Variants in GPHN observed in about 807,000 individuals in gnomAD.
The protein encoded by GPHN is gephyrin.
In GPHN, 17 loss-of-function variants were observed where a neutral mutation model predicts 95.5. The observed-to-expected ratio is 0.18, with a 90% confidence interval of 0.12 to 0.27. The LOEUF (loss-of-function observed/expected upper bound fraction) is 0.27. Among genes scored for constraint, GPHN ranks in the 10% least tolerant of loss-of-function variants. The probability of loss-of-function intolerance (pLI) is 1.00; values close to 1 mark genes in which losing one functional copy is unlikely to be tolerated. For missense variants in GPHN, 660 were observed against 978.1 expected (o/e 0.67, Z 4.34); for synonymous variants, 320 against 322.5 (o/e 0.99, Z 0.08).
rs562682134 is a variant in GPHN at position 66,847,482 on chromosome 14, A to G, written c.294+22916A>G. Among the ~76,000 whole-genome samples, 6 of 152,162 alleles carry G rather than the reference A, an allele frequency of 3.9e-5. No individual in the cohort carries two copies. In the East Asian group the frequency reaches 1.2e-3, roughly 29 times the overall value. The stretch of plus-strand genomic sequence containing the variant: ...TTATTTTGAGGAAGCTGAATTTAAA[A>G]TAGAGTGCTATAACGTGTTTCCTTT... On this transcript the variant is annotated intron_variant, in intron 4 of 22. Coordinates refer to ENST00000478722, the MANE Select transcript of GPHN (RefSeq NM_020806.5).
At chr14:66,630,630 C>T (rs1159797863) in intron 1 of GPHN, among the ~76,000 whole-genome samples, 1 of 152,030 alleles carries the variant, frequency 6.6e-6, no homozygotes, top group Non-Finnish European at 1.5e-5. Flanking sequence ...CATCACCACA[C>T]CTGGCTAATT....
chr14:67,088,831 C>T, intron 11 of GPHN, 152 bp from the exon 12 acceptor site: 1 of 671,160 alleles, frequency 1.5e-6, no homozygotes. Context: ...TGCATCTCTT[C>T]TATCTCCTGT....
chr14:66,863,227 A>T (rs2063099608), intron 4 of GPHN, among the ~76,000 whole-genome samples: 1 of 151,588 alleles, frequency 6.6e-6, no homozygotes, highest in African/African-American at 2.4e-5. Context: ...CATTTACAAT[A>T]GCCACAGAGA....
chr14:66,951,539 A>G (rs1326813902), intron 8 of GPHN, among the ~76,000 whole-genome samples: 2 of 151,516 alleles, frequency 1.3e-5, no homozygotes, highest in Non-Finnish European at 2.9e-5. Flanking sequence ...AAAGGAAGGG[A>G]TAAAGAAACT....
chr14:67,147,023 ACT>A (rs769302984), intron 18 of GPHN, among the ~76,000 whole-genome samples: 2 of 152,316 alleles, frequency 1.3e-5, no homozygotes, highest in East Asian at 1.9e-4. Flanking sequence ...ACAGAGGAAG[ACT>A]CTGTCTCAAA....
chr14:67,391,773 G>C, the GPHN span, among the ~76,000 whole-genome samples: 1 of 152,210 alleles, frequency 6.6e-6, no homozygotes, highest in Non-Finnish European at 1.5e-5. Context: ...GCTTGCCTCT[G>C]GTTCAACATA....
chr14:67,157,850 A>C (rs913394343), intron 18 of GPHN, among the ~76,000 whole-genome samples: 2 of 149,742 alleles, frequency 1.3e-5, no homozygotes, highest in Admixed American at 6.7e-5. Context: ...GAAAGAGAAA[A>C]AGAGAGAGAG....
At chr14:66,803,353 T>A (rs1234249516) in intron 3 of GPHN, among the ~76,000 whole-genome samples, 1 of 152,230 alleles carries the variant, frequency 6.6e-6, no homozygotes, top group Non-Finnish European at 1.5e-5. Flanking sequence ...TCAATGCCTC[T>A]TTTAGCAATA....
At chr14:67,354,813 CATTTT>C in the GPHN span, among the ~76,000 whole-genome samples, 43 of 152,180 alleles carry the variant, frequency 2.8e-4, no homozygotes, top group Admixed American at 1.8e-3. Flanking sequence ...GTACCTTTTG[CATTTT>C]ATTTTATTTT....
At chr14:67,539,111 G>C in the GPHN span, among the ~76,000 whole-genome samples, 1 of 152,118 alleles carries the variant, frequency 6.6e-6, no homozygotes, top group Non-Finnish European at 1.5e-5. Context: ...AGACTCCCAG[G>C]TCCTAGTCTC....
chr14:66,816,689 CAA>C (rs1336309469), intron 3 of GPHN, among the ~76,000 whole-genome samples: 1 of 152,048 alleles, frequency 6.6e-6, no homozygotes, highest in East Asian at 1.9e-4. Context: ...TAAATGCCAT[CAA>C]AAAAGTTAGA....
chr14:66,727,734 G>GAAAAATGGTTTCACGGGCTAGGCC (rs2071377678), intron 2 of GPHN, among the ~76,000 whole-genome samples: 1 of 152,102 alleles, frequency 6.6e-6, no homozygotes, highest in Non-Finnish European at 1.5e-5. Flanking sequence ...GCTGTTAAAG[G>GAAAAATGGTTTCACGGGCTAGGCC]CATTCAGTTT....
the GPHN span, chr14:67,578,048 C>T: frequency 1.5e-5 from 24 of 1,613,784 alleles, no homozygotes; most frequent in South Asian, 6.6e-5. The surrounding 1 kb of genome is among the most constrained non-coding windows in gnomAD (Gnocchi z 5.0). Flanking sequence ...ATCAACGTGC[C>T]GGTGGAAGCT....
the GPHN span, chr14:67,338,414 A>G: frequency 1.9e-6 from 1 of 518,162 alleles, no homozygotes; most frequent in African/African-American, 1.9e-5. Context: ...GTTCCTGGGC[A>G]GGTTTTACAG....
At chr14:67,353,149 G>GT in the GPHN span, 5 of 793,304 alleles carry the variant, frequency 6.3e-6, no homozygotes, top group Admixed American at 1.3e-4. Context: ...TGTGATGAAA[G>GT]TGAGACTATA....
chr14:67,504,991 T>C, the GPHN span, among the ~76,000 whole-genome samples: 1 of 152,236 alleles, frequency 6.6e-6, no homozygotes, highest in Non-Finnish European at 1.5e-5. Flanking sequence ...TGCGTTTGGA[T>C]ATTTTTTAAA....
intron 4 of GPHN, among the ~76,000 whole-genome samples, chr14:66,855,204 G>A (rs1567023909): frequency 6.6e-6 from 1 of 152,022 alleles, no homozygotes; most frequent in Non-Finnish European, 1.5e-5. Flanking sequence ...TCACAATGTT[G>A]TACAATTATC....
chr14:67,225,031 CT>C, the GPHN span: 3 of 1,235,630 alleles, frequency 2.4e-6, no homozygotes, highest in Non-Finnish European at 3.3e-6. Context: ...CTTTTTTTTC[CT>C]CCTGCTTTTG....
At chr14:66,944,583 C>T (rs935580247) in intron 8 of GPHN, among the ~76,000 whole-genome samples, 5 of 152,012 alleles carry the variant, frequency 3.3e-5, no homozygotes, top group Non-Finnish European at 7.4e-5. Context: ...AAATCTCTTC[C>T]AAAAGGAAAA....
Sources: gnomAD v4.1 joint callset for allele counts (sites outside exome capture counted in the v4.1 genomes callset) on GRCh38, gnomAD v4.1.1 for gene constraint, Gnocchi (gnomAD v3.1) non-coding constraint, MANE v1.5 for transcripts, NCBI Gene and HGNC (gene_info 2026-07-23, HGNC 2026-07-21) for gene names.